Variants in CYREN observed in about 807,000 individuals in gnomAD.
The protein encoded by CYREN is cell cycle regulator of non-homologous end joining.
CYREN carries 7 observed loss-of-function variants against 9.7 expected under a neutral mutation model. The observed-to-expected ratio is 0.72, with a 90% CI of 0.41 to 1.36. CYREN has a LOEUF of 1.36. CYREN is among the 40% of genes most tolerant of loss of function. The pLI, the probability that CYREN is intolerant of heterozygous loss-of-function variation, is 0.01. For missense variants in CYREN, 215 were observed against 198.1 expected (o/e 1.09, Z -0.51); for synonymous variants, 76 against 77.9 (o/e 0.98, Z 0.13).
chr7:135,158,176 AG>A (rs1056237158), intron 2 of CYREN, among the ~76,000 whole-genome samples: 39 of 151,460 alleles, frequency 2.6e-4, no homozygotes, highest in African/African-American at 9.0e-4. Flanking sequence ...CCAGGAGGGC[AG>A]GGGTCCCTCC....
chr7:135,126,504 C>T (rs890014272), intron 2 of CYREN, among the ~76,000 whole-genome samples: 4 of 152,214 alleles, frequency 2.6e-5, no homozygotes, highest in African/African-American at 9.6e-5. Flanking sequence ...CATCAAACTA[C>T]CACTGACATT....
intron 2 of CYREN, among the ~76,000 whole-genome samples, chr7:135,119,812 G>A (rs1307520396): frequency 6.6e-6 from 1 of 152,208 alleles, no homozygotes; most frequent in African/African-American, 2.4e-5. Context: ...GGGAGGCAGA[G>A]CTTGCAGTGA....
chr7:135,118,213 A>C (rs1431396028), intron 2 of CYREN, among the ~76,000 whole-genome samples: 1 of 152,174 alleles, frequency 6.6e-6, no homozygotes, highest in African/African-American at 2.4e-5. Context: ...GTAACCAAAG[A>C]GGTCTTAGTT....
intron 2 of CYREN, chr7:135,115,786 A>G (rs553749220): frequency 5.4e-6 from 3 of 558,786 alleles, no homozygotes. Context: ...TGGATAAATG[A>G]AGGAGTAAGT....
chr7:135,164,766 G>A, downstream of CYREN: 1 of 1,614,240 alleles, frequency 6.2e-7, no homozygotes, highest in East Asian at 2.2e-5. Context: ...GTGCAACAGT[G>A]ATGAGAGAGC....
At chr7:135,134,002 T>C (rs1047199611) in intron 2 of CYREN, among the ~76,000 whole-genome samples, 16 of 152,068 alleles carry the variant, frequency 1.1e-4, no homozygotes, top group African/African-American at 3.9e-4. Context: ...GATTCCTTTA[T>C]GCAACATTCT....
At chr7:135,145,638 C>T (rs1829530833) in intron 2 of CYREN, among the ~76,000 whole-genome samples, 1 of 152,106 alleles carries the variant, frequency 6.6e-6, no homozygotes, top group African/African-American at 2.4e-5. Flanking sequence ...AGCAAGCAAA[C>T]AAACTTTTTA....
intron 2 of CYREN, among the ~76,000 whole-genome samples, chr7:135,096,779 G>GAAAT (rs1563260877): frequency 2.0e-5 from 3 of 149,486 alleles, no homozygotes; most frequent in African/African-American, 7.4e-5. Context: ...AAGAAAGAAA[G>GAAAT]AAAGAAAGAA....
At chr7:135,124,197 A>G (rs1008651166) in intron 2 of CYREN, among the ~76,000 whole-genome samples, 5 of 149,298 alleles carry the variant, frequency 3.3e-5, no homozygotes, top group African/African-American at 4.9e-5. Flanking sequence ...GGATGGAGAA[A>G]AATTTACCAA....
At chr7:135,124,190 T>A in intron 2 of CYREN, among the ~76,000 whole-genome samples, 1 of 144,618 alleles carries the variant, frequency 6.9e-6, no homozygotes, top group Non-Finnish European at 1.5e-5. Flanking sequence ...AATAAAGGGA[T>A]GGAGAAAAAT....
chr7:135,157,778 T>G (rs1829831053), intron 2 of CYREN, among the ~76,000 whole-genome samples: 1 of 152,208 alleles, frequency 6.6e-6, no homozygotes, highest in Non-Finnish European at 1.5e-5. Context: ...CTGTTCTAAG[T>G]GTGCTTAGGA....
chr7:135,144,938 T>TAAAA (rs58443282), intron 2 of CYREN, among the ~76,000 whole-genome samples: 1,434 of 45,582 alleles, frequency 0.031, 16 homozygotes, highest in East Asian at 0.061. Flanking sequence ...CTCAAAAGAG[T>TAAAA]AAAAAAAAAA....
At chr7:135,171,791 G>A (rs1306932645), upstream of CYREN, among the ~76,000 whole-genome samples, 1 of 151,968 alleles carries the variant, frequency 6.6e-6, no homozygotes, top group Admixed American at 6.6e-5. Context: ...GCCCTGTGGA[G>A]CGTCCCTGCA....
intron 2 of CYREN, among the ~76,000 whole-genome samples, chr7:135,095,716 T>C (rs1455250483): frequency 6.6e-6 from 1 of 152,252 alleles, no homozygotes; most frequent in African/African-American, 2.4e-5. Context: ...AAAGTCACTG[T>C]CACTTTTTTT....
Position 135,166,043 on chromosome 7 carries a change from A to G in CYREN, c.*568T>C, listed in dbSNP as rs1408421729. The G allele has an allele frequency of 6.6e-6, 1 of 152,168 alleles. No individual in the cohort carries two copies. The highest frequency in any genetic ancestry group is 1.5e-5 in the Non-Finnish European group (1 of 68,040). The allele number at this position is 152,168 out of a possible 1,614,324, so 9.4% of individuals were successfully genotyped here. A position where few individuals can be genotyped will look rare whatever the true frequency, so the allele number is the denominator to read the frequency against. ...GCCTGTCTGGCTTACCAGTCTATACACTGTGGCCTCAACCTCCCAGACAGG... is the reference window on the plus strand; with the variant it reads ...GCCTGTCTGGCTTACCAGTCTATACGCTGTGGCCTCAACCTCCCAGACAGG... On this transcript the variant is annotated 3_prime_UTR_variant, in exon 4 of 4. Coordinates refer to ENST00000393114, the MANE Select transcript of CYREN (RefSeq NM_024033.4).
At chr7:135,127,006 A>G (rs1827966960) in intron 2 of CYREN, among the ~76,000 whole-genome samples, 2 of 152,236 alleles carry the variant, frequency 1.3e-5, no homozygotes, top group African/African-American at 4.8e-5. Flanking sequence ...ACAGAAGCCA[A>G]AATTGACAAA....
chr7:135,164,444 G>A (rs371246436), downstream of CYREN: 63 of 1,596,902 alleles, frequency 3.9e-5, no homozygotes, highest in Non-Finnish European at 5.3e-5. Context: ...CAGTAGAGAT[G>A]GCCGGCCCAA....
At chr7:135,118,055 A>G (rs988090258) in intron 2 of CYREN, among the ~76,000 whole-genome samples, 3 of 152,154 alleles carry the variant, frequency 2.0e-5, no homozygotes, top group African/African-American at 7.2e-5. Context: ...GATGTTTTCC[A>G]TTTTCTAGTT....
At chr7:135,155,913 T>C (rs532333158) in intron 2 of CYREN, among the ~76,000 whole-genome samples, 1 of 152,360 alleles carries the variant, frequency 6.6e-6, no homozygotes, top group South Asian at 2.1e-4. Context: ...GCATTTCCTG[T>C]AGTACCAGTC....
Sources: gnomAD v4.1 joint callset for allele counts (sites outside exome capture counted in the v4.1 genomes callset) on GRCh38, gnomAD v4.1.1 for gene constraint, MANE v1.5 for transcripts, NCBI Gene and HGNC (gene_info 2026-07-23, HGNC 2026-07-21) for gene names.